Variants in WWOX observed in about 807,000 individuals in gnomAD.
WWOX encodes WW domain-containing oxidoreductase.
In WWOX, 69 loss-of-function variants were observed where a neutral mutation model predicts 46.2. The observed-to-expected ratio is 1.49, with a 90% CI of 1.23 to 1.82. The LOEUF is 1.82. Among genes scored for constraint, WWOX ranks in the 40% most tolerant of loss-of-function variants. The probability of loss-of-function intolerance (pLI) is 0.00; values close to 1 mark genes in which losing one functional copy is unlikely to be tolerated. For synonymous variants in WWOX, 359 were observed against 202.6 expected, an observed-to-expected ratio of 1.77 and a Z score of -6.56; for missense variants, 919 against 542.6, an observed-to-expected ratio of 1.69 and a Z score of -6.89.
intron 8 of WWOX, among the ~76,000 whole-genome samples, chr16:78,973,050 T>A (rs1219654311): frequency 6.6e-6 from 1 of 152,218 alleles, no homozygotes; most frequent in East Asian, 1.9e-4. Context: ...CAGCTGTTGT[T>A]TCCCCTGGGA....
chr16:79,181,850 T>C (rs950952908), intron 8 of WWOX, among the ~76,000 whole-genome samples: 2 of 152,194 alleles, frequency 1.3e-5, no homozygotes, highest in African/African-American at 4.8e-5. Context: ...AGCTGTAGCA[T>C]TTTACAAACC....
At chr16:78,727,147 C>T (rs1024582784) in intron 8 of WWOX, among the ~76,000 whole-genome samples, 3 of 152,150 alleles carry the variant, frequency 2.0e-5, no homozygotes, top group African/African-American at 7.2e-5. Flanking sequence ...ACCTATAATG[C>T]CAGCACTTTG....
At chr16:78,982,813 C>G (rs1294231067) in intron 8 of WWOX, among the ~76,000 whole-genome samples, 1 of 152,106 alleles carries the variant, frequency 6.6e-6, no homozygotes, top group Non-Finnish European at 1.5e-5. Flanking sequence ...TTTTATTTAT[C>G]AAATGAATAC....
intron 8 of WWOX, among the ~76,000 whole-genome samples, chr16:78,803,527 G>A (rs2050950363): frequency 1.3e-5 from 2 of 152,106 alleles, no homozygotes; most frequent in African/African-American, 2.4e-5. Context: ...GCTTTCTGCA[G>A]CATTGACCTT....
At chr16:78,821,211 A>G (rs2099344153) in intron 8 of WWOX, among the ~76,000 whole-genome samples, 1 of 152,048 alleles carries the variant, frequency 6.6e-6, no homozygotes, top group Admixed American at 6.5e-5. Context: ...CCATCTACTT[A>G]TCCCTGCATG....
intron 8 of WWOX, among the ~76,000 whole-genome samples, chr16:78,660,289 ACTTCCGTACACTAAAGGTCCCTCTTCC>A (rs2047180965): frequency 6.6e-6 from 1 of 152,126 alleles, no homozygotes; most frequent in African/African-American, 2.4e-5. Flanking sequence ...ACTAAAATGC[ACTTCCGTACACTAAAGGTCCCTCTTCC>A]CTGGCAGACA....
chr16:78,362,388 T>A, intron 5 of WWOX, among the ~76,000 whole-genome samples: 1 of 152,118 alleles, frequency 6.6e-6, no homozygotes, highest in Non-Finnish European at 1.5e-5. Context: ...TGCGGGTGGA[T>A]CACCTGATGA....
intron 8 of WWOX, among the ~76,000 whole-genome samples, chr16:79,140,773 A>G (rs949276164): frequency 2.6e-5 from 4 of 152,180 alleles, no homozygotes; most frequent in Non-Finnish European, 5.9e-5. Flanking sequence ...TGCAGAGGCA[A>G]GTCTGCTTGT....
In WWOX at chr16:78,622,233, C is replaced by T. The variant is rs117450035; in HGVS notation, c.1056+189481C>T. On this transcript the variant is annotated intron_variant, in intron 8 of 8. Transcript: ENST00000566780. ...AAGCTCGTGATTAAATAAATTCTGA[C>T]CCTACTCTGATAAAAGTGAACCCTT... 3.8e-4 allele frequency among the ~76,000 whole-genome samples: 58 copies of T among 152,208 alleles called. No individual in the cohort carries two copies. The East Asian group carries it at 9.5e-3, about 25-fold the overall frequency.
At chr16:79,198,865 A>T (rs1362855943) in intron 8 of WWOX, among the ~76,000 whole-genome samples, 1 of 152,184 alleles carries the variant, frequency 6.6e-6, no homozygotes. Flanking sequence ...CACTATGATG[A>T]TGGCTCAAAA....
chr16:79,014,210 C>T (rs904291948), intron 8 of WWOX, among the ~76,000 whole-genome samples: 1 of 152,132 alleles, frequency 6.6e-6, no homozygotes, highest in East Asian at 1.9e-4. Flanking sequence ...TCAACATCTT[C>T]CCGAGATGGT....
chr16:78,914,880 G>GAAAAAAAAAAAAAAAAA (rs10706775), intron 8 of WWOX, among the ~76,000 whole-genome samples: 1 of 69,396 alleles, frequency 1.4e-5, no homozygotes, highest in Non-Finnish European at 2.5e-5. Context: ...CTCCGCCTCA[G>GAAAAAAAAAAAAAAAAA]AAAAAAAAAA....
At chr16:78,760,950 C>T (rs529349408) in intron 8 of WWOX, among the ~76,000 whole-genome samples, 92 of 152,270 alleles carry the variant, frequency 6.0e-4, no homozygotes, top group African/African-American at 1.7e-3. Flanking sequence ...AGGGAAACTC[C>T]GCTTTATAAT....
chr16:78,940,453 T>G (rs1458409926), intron 8 of WWOX, among the ~76,000 whole-genome samples: 1 of 152,214 alleles, frequency 6.6e-6, no homozygotes, highest in Non-Finnish European at 1.5e-5. Context: ...AGTCAAAATA[T>G]GCAAATTCCA....
At chr16:78,607,840 A>G (rs550402337) in intron 8 of WWOX, among the ~76,000 whole-genome samples, 20 of 152,154 alleles carry the variant, frequency 1.3e-4, no homozygotes, top group South Asian at 1.2e-3. Context: ...TGGATTTTCT[A>G]TCGGGTACAA....
chr16:78,653,413 C>G (rs1387579469), intron 8 of WWOX, among the ~76,000 whole-genome samples: 2 of 152,222 alleles, frequency 1.3e-5, no homozygotes, highest in African/African-American at 4.8e-5. Context: ...CCTTTTGCCT[C>G]TAATGATTAG....
chr16:78,915,206 G>C (rs1020188791), intron 8 of WWOX, among the ~76,000 whole-genome samples: 2 of 152,082 alleles, frequency 1.3e-5, no homozygotes, highest in African/African-American at 4.8e-5. Flanking sequence ...CCCCAAATCA[G>C]ATCATGATTC....
At chr16:78,641,141 A>G (rs1169419263) in intron 8 of WWOX, among the ~76,000 whole-genome samples, 2 of 152,022 alleles carry the variant, frequency 1.3e-5, no homozygotes, top group Non-Finnish European at 2.9e-5. Context: ...TCCTCCAAAA[A>G]AATTCTCTTC....
intron 8 of WWOX, chr16:78,899,132 G>C (rs2044767339): frequency 6.6e-6 from 1 of 152,080 alleles, no homozygotes; most frequent in Admixed American, 6.5e-5. Flanking sequence ...GTGTTGAACA[G>C]AGGTTTTGAG....
Sources: gnomAD v4.1 joint callset for allele counts (sites outside exome capture counted in the v4.1 genomes callset) on GRCh38, gnomAD v4.1.1 for gene constraint, MANE v1.5 for transcripts, NCBI Gene and HGNC (gene_info 2026-07-23, HGNC 2026-07-21) for gene names.